UNK: variants seen among roughly 807,000 people sequenced by gnomAD.
UNK encodes the protein unk zinc finger, also known as RING finger protein unkempt homolog.
Under a neutral mutation model 97.6 loss-of-function variants are expected in UNK, and 32 were observed. The ratio of observed to expected loss-of-function variants is 0.33; its 90% CI spans 0.25 to 0.44. The LOEUF (loss-of-function observed/expected upper bound fraction) is 0.44, where lower values mean the gene tolerates loss of function less well. UNK is among the 20% of genes least tolerant of loss of function. The pLI is 1.00. For synonymous variants in UNK, 441 were observed against 461.2 expected (o/e 0.96, Z 0.56); for missense variants, 771 against 1,098.4 (o/e 0.70, Z 4.21).
intron 7 of UNK, 133 bp downstream of exon 7, chr17:75,815,386 T>G (rs2062007881): frequency 2.6e-6 from 2 of 763,220 alleles, no homozygotes; most frequent in Admixed American, 5.1e-5. Context: ...GCAGCAGGCC[T>G]TGTCCCCACT....
In UNK at chr17:75,824,442, C is replaced by A. The variant is rs777077191; in HGVS notation, c.*25C>A. The A allele has an allele frequency of 1.4e-6, 2 of 1,423,070 alleles. No individual in the cohort carries two copies. Among genetic ancestry groups the A allele is most frequent in the East Asian group, 2.8e-5 (1 of 35,218 alleles). 88.2% of individuals were successfully genotyped at this position (1,423,070 alleles called of 1,614,324 possible). On this transcript the variant is annotated 3_prime_UTR_variant, in exon 16 of 16. Transcript: ENST00000589666. This position sits in a 1 kb window ranked among gnomAD's most constrained non-coding sequence, Gnocchi z 4.9. ...ACCCTGCAGGCCTGGCCCAGCCTGG[C>A]CCAGATCTTCTCACCTAGGACTTTT...
chr17:75,811,963 C>T (rs1440037457), intron 2 of UNK, 149 bp from the exon 3 acceptor site: 34 of 980,668 alleles, frequency 3.5e-5, no homozygotes, highest in Admixed American at 2.7e-4. Flanking sequence ...TCCAGCCTGG[C>T]GACAGAGCAA....
chr17:75,818,713 G>A lies in UNK; in HGVS notation c.1443G>A (p.Leu481=), dbSNP rs1369873525. 1 of 1,613,016 alleles carries A rather than the reference G, an allele frequency of 6.2e-7. No homozygotes were observed. Among genetic ancestry groups the A allele is most frequent in the African/African-American group, 1.3e-5 (1 of 74,874 alleles). The change falls in exon 11 of 16, where the codon CTG becomes CTA. Residue 481 remains leucine, a synonymous_variant. Transcript: ENST00000589666. This position sits in a 1 kb window ranked among gnomAD's most constrained non-coding sequence, Gnocchi z 5.1. The part of the protein sequence containing the change: ...SSISSSITSS[L]AATPPSPVGT... ...TCTCTTCTAGTATCACCTCCAGCCT[G>A]GCAGCTACCCCCCCTAGCCCAGTGG...
At chr17:75,814,448 C>T (rs2061998917) in intron 6 of UNK, among the ~76,000 whole-genome samples, 1 of 142,918 alleles carries the variant, frequency 7.0e-6, no homozygotes, top group Non-Finnish European at 1.5e-5. Flanking sequence ...GCCAAGATCG[C>T]ACCACTGCAC....
At chr17:75,799,884 A>G (rs938030041) in intron 1 of UNK, among the ~76,000 whole-genome samples, 2 of 152,118 alleles carry the variant, frequency 1.3e-5, no homozygotes, top group Admixed American at 6.6e-5. Context: ...CTTAGGGAGC[A>G]GAGGCCAGAG....
In UNK at chr17:75,824,314, G is replaced by A. The variant is rs566260739; in HGVS notation, c.2330G>A (p.Arg777Gln). 24 of 1,605,094 alleles carry A rather than the reference G, an allele frequency of 1.5e-5. No individual in the cohort carries two copies. The highest frequency in any genetic ancestry group is 9.1e-5 in the East Asian group (4 of 43,932). ...VKCLKCQEQK[R>Q]AVLPCQHAAL... ...TGCCTTAAGTGTCAGGAACAGAAGC[G>A]GGCAGTGCTGCCGTGCCAACACGCT... The change falls in exon 16 of 16, where the codon CGG (arginine) becomes CAG (glutamine). Residue 777 changes from arginine to glutamine, a missense_variant. Coordinates refer to ENST00000589666, the MANE Select transcript of UNK (RefSeq NM_001080419.3). The surrounding 1 kb of genome is among the most constrained non-coding windows in gnomAD (Gnocchi z 4.9).
Position 75,818,295 on chromosome 17 carries a change from C to G in UNK, c.1371+127C>G. On this transcript the variant is annotated intron_variant, in intron 10 of 15. Transcript: ENST00000589666. This position sits in a 1 kb window ranked among gnomAD's most constrained non-coding sequence, Gnocchi z 5.1. ...CTGAGGGCAGGACTAAAGTGGGGTC[C>G]CAGCCACAAATCCAGAGAGGGTAGG... The G allele has an allele frequency of 9.3e-7, 1 of 1,075,230 alleles. No homozygotes were observed. Among genetic ancestry groups the G allele is most frequent in the South Asian group, 1.4e-5 (1 of 69,258 alleles). 66.6% of individuals were successfully genotyped at this position (1,075,230 alleles called of 1,614,324 possible).
intron 1 of UNK, among the ~76,000 whole-genome samples, chr17:75,796,295 G>T (rs1227991221): frequency 2.0e-5 from 3 of 150,850 alleles, no homozygotes; most frequent in African/African-American, 7.3e-5. Context: ...TGTGTAGTGT[G>T]TCAGATCCAT....
Position 75,817,211 on chromosome 17 carries a change from C to A in UNK, c.1105-115C>A. Reference sequence around the variant, plus strand: ...CCGAGTGGTCACTGCTGCTCGTTGGCAGATGAAAGTGGAACTGAGCCCCTT... The same window carrying A: ...CCGAGTGGTCACTGCTGCTCGTTGGAAGATGAAAGTGGAACTGAGCCCCTT... On this transcript the variant is annotated intron_variant, in intron 8 of 15. Transcript: ENST00000589666. This position sits in a 1 kb window ranked among gnomAD's most constrained non-coding sequence, Gnocchi z 5.8. The A allele has an allele frequency of 8.1e-7, 1 of 1,227,004 alleles. No individual in the cohort carries two copies. Among genetic ancestry groups the A allele is most frequent in the Non-Finnish European group, 1.1e-6 (1 of 891,772 alleles). The allele number at this position is 1,227,004 out of a possible 1,614,324, so 76.0% of individuals were successfully genotyped here. A position where few individuals can be genotyped will look rare whatever the true frequency, so the allele number is the denominator to read the frequency against.
At chr17:75,788,088 AATAATAATTGATCATTG>A (rs1274341582) in intron 1 of UNK, among the ~76,000 whole-genome samples, 1 of 152,132 alleles carries the variant, frequency 6.6e-6, no homozygotes, top group Non-Finnish European at 1.5e-5. Flanking sequence ...TACGGAGTGG[AATAATAATTGATCATTG>A]ATAATAATTG....
chr17:75,796,641 A>G (rs886448417), intron 1 of UNK, among the ~76,000 whole-genome samples: 2 of 152,198 alleles, frequency 1.3e-5, no homozygotes, highest in African/African-American at 4.8e-5. Flanking sequence ...CATTTTTAGT[A>G]ACTCCCACCA....
intron 13 of UNK, chr17:75,821,461 A>G: frequency 1.4e-5 from 6 of 443,924 alleles, no homozygotes; most frequent in Non-Finnish European, 1.8e-5. Context: ...TGGGTGGGAC[A>G]GGAGAGCTTG....
At position 75,813,083 on chromosome 17, in the gene UNK, G is replaced by C. The variant is rs1431367918; in HGVS notation, c.628G>C (p.Ala210Pro). 6.3e-7 allele frequency: 1 copy of C among 1,586,724 alleles called. No homozygotes were observed. The highest frequency in any genetic ancestry group is 1.3e-5 in the African/African-American group (1 of 74,428). ...LSEEPRWQET[A>P]YVLGNYKTEP... ...CCCTCTGGCCCCCTGTGCAGAGACT[G>C]CTTATGTGCTGGGGAACTATAAGAC... Residue 210 changes from alanine to proline, a missense_variant, in exon 5 of 16, where the codon GCT (alanine) becomes CCT (proline). Transcript: ENST00000589666.
intron 2 of UNK, among the ~76,000 whole-genome samples, chr17:75,810,557 CTCTT>C (rs1158590479): frequency 3.3e-5 from 5 of 152,166 alleles, no homozygotes; most frequent in Non-Finnish European, 7.3e-5. Context: ...TTCGTCAGCC[CTCTT>C]TCTTTTTTAA....
intron 1 of UNK, among the ~76,000 whole-genome samples, chr17:75,805,520 TGTG>T (rs753902920): frequency 5.6e-4 from 85 of 151,902 alleles, no homozygotes; most frequent in Non-Finnish European, 9.0e-4. Context: ...ACAGGCCAGG[TGTG>T]GTGGCTCACA....
rs1329240703 is a variant in UNK, at chr17:75,821,051, T to TG, written c.1837+944dup. ...ACTTGCCCCATATTCGGATAGGATC[T>TG]GTTTTTTTTTTTTCGAGTAGGGTCT... On this transcript the variant is annotated intron_variant, in intron 13 of 15. Coordinates refer to ENST00000589666, the MANE Select transcript of UNK (RefSeq NM_001080419.3). 4.9e-4 allele frequency among the ~76,000 whole-genome samples: 34 copies of TG among 69,906 alleles called. No homozygotes were observed. In the South Asian group the frequency reaches 0.01, roughly 22 times the overall value. The allele number at this position is 69,906 out of a possible 152,430, so 45.9% of individuals were successfully genotyped here.
chr17:75,790,389 G>A (rs2061753100), intron 1 of UNK, among the ~76,000 whole-genome samples: 1 of 152,042 alleles, frequency 6.6e-6, no homozygotes, highest in Admixed American at 6.6e-5. Flanking sequence ...CCAACTCGTT[G>A]GGAAGCTGAG....
At chr17:75,821,707 T>C (rs1447474543) in intron 13 of UNK, 4 of 456,172 alleles carry the variant, frequency 8.8e-6, no homozygotes, top group Non-Finnish European at 1.8e-5. Context: ...ATGGGCAGAG[T>C]GAGGCCAGAG....
At chr17:75,815,090 C>T in intron 6 of UNK, 79 bp from the exon 7 acceptor site, 1 of 1,311,798 alleles carries the variant, frequency 7.6e-7, no homozygotes, top group Non-Finnish European at 1.1e-6. Flanking sequence ...TAAGCCAGCG[C>T]ACTCATGCTG....
Sources: gnomAD v4.1 joint callset for allele counts (sites outside exome capture counted in the v4.1 genomes callset) on GRCh38, gnomAD v4.1.1 for gene constraint, Gnocchi (gnomAD v3.1) non-coding constraint, MANE v1.5 for transcripts, NCBI Gene and HGNC (gene_info 2026-07-23, HGNC 2026-07-21) for gene names.